Variants in TLE4 observed in about 807,000 individuals in gnomAD.
The protein encoded by TLE4 is transducin-like enhancer protein 4.
A neutral mutation model predicts 92.8 loss-of-function variants in TLE4; 8 were observed. That is an observed-to-expected ratio of 0.09 (90% CI 0.05 to 0.16). The LOEUF (loss-of-function observed/expected upper bound fraction) is 0.16. Among genes scored for constraint, TLE4 ranks in the 10% least tolerant of loss-of-function variants. The pLI is 1.00. For synonymous variants in TLE4, 371 were observed against 374.1 expected, an observed-to-expected ratio of 0.99 and a Z score of 0.10; for missense variants, 675 against 997.6, an observed-to-expected ratio of 0.68 and a Z score of 4.36.
chr9:79,705,912 T>C lies in TLE4; in HGVS notation c.753T>C (p.Asp251=), dbSNP rs757057820. ...ARYDSDGEKS[D]DNLVVDVSNE... ...AGGACAGCGATGGTGAGAAAAGTGA[T>C]GACAACTTGGTGGTTGACGTTTCCA... is the stretch of plus-strand genomic sequence containing the variant. The change falls in exon 10 of 20, where the codon GAT becomes GAC. Residue 251 remains aspartate, a synonymous_variant. Coordinates refer to ENST00000376552, the MANE Select transcript of TLE4 (RefSeq NM_007005.6). 5.0e-6 allele frequency: 8 copies of C among 1,614,124 alleles called. No homozygotes were observed. The highest frequency in any genetic ancestry group is 6.8e-6 in the Non-Finnish European group (8 of 1,180,050).
chr9:79,616,843 A>G (rs2049760685), intron 5 of TLE4, among the ~76,000 whole-genome samples: 1 of 152,164 alleles, frequency 6.6e-6, no homozygotes, highest in South Asian at 2.1e-4. Flanking sequence ...AAGGGACAGC[A>G]TTTCTGCTAA....
At chr9:79,630,927 T>C (rs1361094158) in intron 6 of TLE4, among the ~76,000 whole-genome samples, 2 of 152,126 alleles carry the variant, frequency 1.3e-5, no homozygotes, top group Non-Finnish European at 2.9e-5. Flanking sequence ...AAATAGACGA[T>C]GTGGGTTCCT....
intron 8 of TLE4, among the ~76,000 whole-genome samples, chr9:79,678,460 A>C (rs2063712192): frequency 1.3e-5 from 2 of 152,064 alleles, no homozygotes; most frequent in Admixed American, 1.3e-4. Flanking sequence ...TCTATCAATA[A>C]TTCTTAAAAT....
intron 8 of TLE4, among the ~76,000 whole-genome samples, chr9:79,661,426 A>G (rs933420889): frequency 6.6e-6 from 1 of 152,184 alleles, no homozygotes; most frequent in African/African-American, 2.4e-5. Flanking sequence ...TACGCGTAGG[A>G]CCCACCACTT....
At chr9:79,643,363 C>G (rs111962848) in intron 6 of TLE4, among the ~76,000 whole-genome samples, 1,675 of 152,308 alleles carry the variant, frequency 0.011, 18 homozygotes, top group African/African-American at 0.036. Context: ...CCTGTATAAG[C>G]ATAATACCAT....
rs2059223572 is a variant in TLE4, at chr9:79,652,789, A to G, written c.587A>G (p.Gln196Arg). Residue 196 changes from glutamine to arginine, a missense_variant, in exon 7 of 20, where the codon CAA becomes CGA. Transcript: ENST00000376552. ...DEKKHHDNDH[Q>R]RDRDSIKSSS... ...AAGAAGCACCATGACAATGATCACC[A>G]AAGAGGTGAGTAACTCTCTTGGAAT... The G allele has an allele frequency of 6.2e-7, 1 of 1,614,054 alleles. No homozygotes were observed. Among genetic ancestry groups the G allele is most frequent in the Non-Finnish European group, 8.5e-7 (1 of 1,179,944 alleles).
chr9:79,690,724 A>C (rs1588292279), intron 8 of TLE4, among the ~76,000 whole-genome samples: 1 of 129,752 alleles, frequency 7.7e-6, no homozygotes, highest in Non-Finnish European at 1.6e-5. Flanking sequence ...AGATCTTCCC[A>C]CTTTAACCTT....
intron 4 of TLE4, among the ~76,000 whole-genome samples, chr9:79,584,635 T>C (rs1177350568): frequency 6.6e-6 from 1 of 152,186 alleles, no homozygotes. Context: ...AATGAGAGAA[T>C]AGCAGTTAGA....
intron 6 of TLE4, among the ~76,000 whole-genome samples, chr9:79,638,717 G>A (rs1035591089): frequency 6.6e-6 from 1 of 152,100 alleles, no homozygotes; most frequent in African/African-American, 2.4e-5. Flanking sequence ...AAAGCAATTT[G>A]TAGACACAGC....
intron 6 of TLE4, among the ~76,000 whole-genome samples, chr9:79,644,365 T>C (rs569759498): frequency 6.6e-6 from 1 of 152,238 alleles, no homozygotes; most frequent in South Asian, 2.1e-4. Flanking sequence ...GTCTTGGGTA[T>C]GTCTATATTA....
At chr9:79,593,601 T>C (rs2043217875) in intron 4 of TLE4, among the ~76,000 whole-genome samples, 1 of 152,158 alleles carries the variant, frequency 6.6e-6, no homozygotes, top group Admixed American at 6.5e-5. Flanking sequence ...AAAAACATAA[T>C]ATTAAAGAAA....
At chr9:79,641,797 T>C (rs1211070102) in intron 6 of TLE4, among the ~76,000 whole-genome samples, 1 of 152,210 alleles carries the variant, frequency 6.6e-6, no homozygotes, top group Non-Finnish European at 1.5e-5. Flanking sequence ...TAGGGGCTTG[T>C]GCTCCATTTC....
At chr9:79,653,845 T>C (rs1336437181) in intron 7 of TLE4, among the ~76,000 whole-genome samples, 1 of 152,222 alleles carries the variant, frequency 6.6e-6, no homozygotes, top group Non-Finnish European at 1.5e-5. Context: ...GCTTTGGTTC[T>C]TCTGAAATTG....
intron 8 of TLE4, among the ~76,000 whole-genome samples, chr9:79,690,004 G>C (rs2066723587): frequency 6.6e-6 from 1 of 152,164 alleles, no homozygotes; most frequent in South Asian, 2.1e-4. Flanking sequence ...TCCCCTGACA[G>C]ACCTTAGAAC....
chr9:79,666,389 C>T (rs1252068106), intron 8 of TLE4, among the ~76,000 whole-genome samples: 1 of 151,752 alleles, frequency 6.6e-6, no homozygotes, highest in Non-Finnish European at 1.5e-5. Flanking sequence ...CACCACACAC[C>T]TGGATAATTT....
chr9:79,680,579 G>C (rs1019373794), intron 8 of TLE4, among the ~76,000 whole-genome samples: 1 of 152,120 alleles, frequency 6.6e-6, no homozygotes, highest in African/African-American at 2.4e-5. Context: ...CAAACAGGGA[G>C]GATTTGACTT....
chr9:79,629,475 T>C (rs901327443), intron 6 of TLE4, among the ~76,000 whole-genome samples: 3 of 152,188 alleles, frequency 2.0e-5, no homozygotes, highest in Non-Finnish European at 2.9e-5. Context: ...TACTGACATA[T>C]TGTGTTTATA....
chr9:79,593,794 AT>A (rs2043262051), intron 4 of TLE4, among the ~76,000 whole-genome samples: 1 of 152,180 alleles, frequency 6.6e-6, no homozygotes, highest in African/African-American at 2.4e-5. Flanking sequence ...TCAAAGGGTG[AT>A]ACATAAAATA....
At chr9:79,682,990 T>C (rs1468519754) in intron 8 of TLE4, among the ~76,000 whole-genome samples, 1 of 152,362 alleles carries the variant, frequency 6.6e-6, no homozygotes, top group Non-Finnish European at 1.5e-5. Context: ...CCAAATCTAC[T>C]TCCCAGTTTG....
Sources: allele counts gnomAD v4.1 joint callset (sites outside exome capture counted in the v4.1 genomes callset), GRCh38; gene constraint gnomAD v4.1.1; transcripts MANE v1.5; gene names NCBI Gene and HGNC (gene_info 2026-07-23, HGNC 2026-07-21).